ZNF469: variants seen among roughly 807,000 people sequenced by gnomAD.
The protein encoded by ZNF469 is zinc finger protein 469.
In ZNF469, 1 loss-of-function variant was observed where a neutral mutation model predicts 1.0. The ratio of observed to expected loss-of-function variants is 1.00; its 90% CI spans 0.35 to 4.73. The LOEUF (loss-of-function observed/expected upper bound fraction) is 4.73, where lower values mean the gene tolerates loss of function less well. ZNF469 is among the 30% of genes most tolerant of loss of function. The probability of loss-of-function intolerance (pLI) is 0.16; values close to 1 mark genes in which losing one functional copy is unlikely to be tolerated. For missense variants in ZNF469, 6,100 were observed against 5,356.3 expected (o/e 1.14, Z -4.33); for synonymous variants, 2,703 against 2,363.4 (o/e 1.14, Z -4.17).
chr16:88,130,577 G>T, the ZNF469 span, among the ~76,000 whole-genome samples: 1 of 151,982 alleles, frequency 6.6e-6, no homozygotes, highest in Non-Finnish European at 1.5e-5. Context: ...GTGGTGGCAG[G>T]TGCCTGTAGT....
the ZNF469 span, among the ~76,000 whole-genome samples, chr16:88,200,534 C>T: frequency 1.3e-5 from 2 of 152,256 alleles, no homozygotes; most frequent in Admixed American, 6.5e-5. Context: ...TCCCCGGAGG[C>T]CGGTCTGCAA....
intron 1 of ZNF469, among the ~76,000 whole-genome samples, chr16:88,386,096 ATCT>A (rs1446528608): frequency 6.6e-6 from 1 of 152,040 alleles, no homozygotes; most frequent in African/African-American, 2.4e-5. Context: ...TGCCTTCCCC[ATCT>A]TCTTCCCAGC....
At chr16:88,103,079 C>T in the ZNF469 span, among the ~76,000 whole-genome samples, 2 of 152,386 alleles carry the variant, frequency 1.3e-5, no homozygotes, top group African/African-American at 2.4e-5. Flanking sequence ...CGTCATCAGT[C>T]GCTAAAGCTG....
In ZNF469 at chr16:88,434,611, G is replaced by A. The variant is rs1367736540; in HGVS notation, c.7141G>A (p.Gly2381Arg). The change falls in exon 3 of 3, where the codon GGG (glycine) becomes AGG (arginine). Residue 2381 changes from glycine (G) to arginine (R), a missense_variant. Gly to Arg is a moderately radical substitution (Grantham distance 125, BLOSUM62 -2). Transcript: ENST00000565624. Reference protein sequence around the residue: ...GTSSKEPEDPGTPETGRSGAT... With the variant: ...GTSSKEPEDPRTPETGRSGAT... ...CAGCAGCAAGGAGCCGGAGGACCCAGGGACCCCTGAGACCGGGCGCTCTGG... is the reference window on the plus strand; with the variant it reads ...CAGCAGCAAGGAGCCGGAGGACCCAAGGACCCCTGAGACCGGGCGCTCTGG... 7.1e-6 allele frequency: 11 copies of A among 1,550,188 alleles called. No homozygotes were observed. Among genetic ancestry groups the A allele is most frequent in the Non-Finnish European group, 6.1e-6 (7 of 1,146,934 alleles).
the ZNF469 span, among the ~76,000 whole-genome samples, chr16:88,136,785 C>T: frequency 1.8e-4 from 28 of 152,312 alleles, 1 homozygote; most frequent in East Asian, 3.3e-3. Context: ...TCTCATGTAC[C>T]GAGCGTGCCC....
intron 1 of ZNF469, among the ~76,000 whole-genome samples, chr16:88,395,076 C>T (rs1455854423): frequency 6.6e-6 from 1 of 152,240 alleles, no homozygotes; most frequent in African/African-American, 2.4e-5. Flanking sequence ...AGGAGTGAAT[C>T]AGCCCCAGGG....
intron 1 of ZNF469, among the ~76,000 whole-genome samples, chr16:88,391,277 G>C (rs1444615328): frequency 2.0e-5 from 3 of 152,254 alleles, no homozygotes; most frequent in African/African-American, 7.2e-5. Context: ...AAAGGAAAGA[G>C]CCGGGCAGCA....
At chr16:88,192,642 C>T in the ZNF469 span, among the ~76,000 whole-genome samples, 2 of 152,172 alleles carry the variant, frequency 1.3e-5, no homozygotes, top group Admixed American at 1.3e-4. Flanking sequence ...AGAGTCATCA[C>T]ATGATGATGG....
intron 1 of ZNF469, among the ~76,000 whole-genome samples, chr16:88,396,740 C>CG (rs1224589192): frequency 1.3e-4 from 19 of 148,598 alleles, no homozygotes; most frequent in East Asian, 2.0e-4. Context: ...GGAGGAGACC[C>CG]TCATAAAGGG....
intron 1 of ZNF469, among the ~76,000 whole-genome samples, chr16:88,399,642 C>A (rs113687381): frequency 6.6e-6 from 1 of 152,254 alleles, no homozygotes; most frequent in East Asian, 1.9e-4. Context: ...TAAAACCAAA[C>A]ATTTTCAATA....
the ZNF469 span, among the ~76,000 whole-genome samples, chr16:88,108,778 T>C: frequency 6.6e-6 from 1 of 152,212 alleles, no homozygotes; most frequent in Non-Finnish European, 1.5e-5. Context: ...CAATAGCTTC[T>C]TGCCCTCACT....
intron 1 of ZNF469, among the ~76,000 whole-genome samples, chr16:88,418,953 T>C (rs1905378258): frequency 6.6e-6 from 1 of 152,178 alleles, no homozygotes; most frequent in South Asian, 2.1e-4. Flanking sequence ...TGTGCTTTTC[T>C]CCTGGGCTGC....
the ZNF469 span, among the ~76,000 whole-genome samples, chr16:88,323,709 A>C: frequency 2.7e-5 from 4 of 150,926 alleles, no homozygotes; most frequent in African/African-American, 7.3e-5. Context: ...GGGCAGGGGG[A>C]CTCCCACACC....
At chr16:88,282,741 T>C in the ZNF469 span, among the ~76,000 whole-genome samples, 4 of 152,202 alleles carry the variant, frequency 2.6e-5, no homozygotes, top group Non-Finnish European at 5.9e-5. Flanking sequence ...GTCTCACCCG[T>C]AAAGGGTCAT....
chr16:88,343,354 A>G, the ZNF469 span, among the ~76,000 whole-genome samples: 1 of 152,210 alleles, frequency 6.6e-6, no homozygotes, highest in African/African-American at 2.4e-5. Context: ...AAATAAATAA[A>G]TGGGGAAGAA....
the ZNF469 span, among the ~76,000 whole-genome samples, chr16:88,215,215 C>A: frequency 6.6e-6 from 1 of 152,028 alleles, no homozygotes; most frequent in African/African-American, 2.4e-5. Flanking sequence ...TACTGAAATA[C>A]TTGCATTTCT....
intron 1 of ZNF469, among the ~76,000 whole-genome samples, chr16:88,387,250 C>T (rs8044280): frequency 3.9e-5 from 6 of 152,176 alleles, no homozygotes; most frequent in Admixed American, 6.5e-5. Context: ...CGGAGGGTTG[C>T]GGCCTTGGCC....
At chr16:88,276,499 G>A in the ZNF469 span, 3 of 152,196 alleles carry the variant, frequency 2.0e-5, no homozygotes, top group South Asian at 2.1e-4. Flanking sequence ...GAGAGCAAAC[G>A]GCTGCACTAG....
chr16:88,291,152 T>C, the ZNF469 span, among the ~76,000 whole-genome samples: 1 of 152,066 alleles, frequency 6.6e-6, no homozygotes. Context: ...CAGTCCGGGC[T>C]CCCCACTCCC....
Sources: gnomAD v4.1 joint callset for allele counts (sites outside exome capture counted in the v4.1 genomes callset) on GRCh38, gnomAD v4.1.1 for gene constraint, MANE v1.5 for transcripts, NCBI Gene and HGNC (gene_info 2026-07-23, HGNC 2026-07-21) for gene names.